PRELID2: variants seen among roughly 807,000 people sequenced by gnomAD.
The protein encoded by PRELID2 is PRELI domain-containing protein 2.
A neutral mutation model predicts 28.4 loss-of-function variants in PRELID2; 25 were observed. That is an observed-to-expected ratio of 0.88 (90% CI 0.64 to 1.23). The LOEUF (loss-of-function observed/expected upper bound fraction) is 1.23, where lower values mean the gene tolerates loss of function less well. Ranked by LOEUF, PRELID2 falls within the 50% of genes most tolerant of loss-of-function variation. The pLI, the probability that PRELID2 is intolerant of heterozygous loss-of-function variation, is 0.00. For missense variants in PRELID2, 201 were observed against 214.4 expected, an observed-to-expected ratio of 0.94 and a Z score of 0.39; for synonymous variants, 76 against 71.6, an observed-to-expected ratio of 1.06 and a Z score of -0.31.
the PRELID2 span, among the ~76,000 whole-genome samples, chr5:145,248,158 G>T: frequency 6.6e-6 from 1 of 151,982 alleles, no homozygotes; most frequent in Non-Finnish European, 1.5e-5. Context: ...AACTGCTCAG[G>T]ATGTAACAGT....
chr5:145,783,478 A>G (rs1751768566), intron 5 of PRELID2, among the ~76,000 whole-genome samples: 1 of 152,224 alleles, frequency 6.6e-6, no homozygotes, highest in African/African-American at 2.4e-5. Flanking sequence ...AGAATACAGC[A>G]GCTACTATGA....
At chr5:145,744,934 T>C (rs1481257617) in intron 1 of PRELID2, among the ~76,000 whole-genome samples, 28 of 152,068 alleles carry the variant, frequency 1.8e-4, no homozygotes, top group Admixed American at 1.8e-3. Flanking sequence ...GAGCATGTTC[T>C]AACCCAATGC....
chr5:145,744,107 T>C (rs955475338), intron 1 of PRELID2, among the ~76,000 whole-genome samples: 2 of 152,130 alleles, frequency 1.3e-5, no homozygotes, highest in South Asian at 4.1e-4. Context: ...TCCTTCCTCA[T>C]TGGGTAGGGC....
chr5:145,794,658 G>C (rs115341438), intron 5 of PRELID2, among the ~76,000 whole-genome samples: 1 of 152,162 alleles, frequency 6.6e-6, no homozygotes, highest in African/African-American at 2.4e-5. Context: ...CAGTTACCAC[G>C]TATCGGGTAT....
the PRELID2 span, among the ~76,000 whole-genome samples, chr5:145,433,426 C>T: frequency 5.3e-5 from 8 of 152,120 alleles, no homozygotes; most frequent in South Asian, 2.1e-4. Flanking sequence ...GGTGGCTTCC[C>T]GATTCATTGT....
At chr5:145,602,526 T>C (rs1753412281) in intron 1 of PRELID2, among the ~76,000 whole-genome samples, 2 of 151,888 alleles carry the variant, frequency 1.3e-5, no homozygotes, top group African/African-American at 4.8e-5. Flanking sequence ...AGACTTCAGG[T>C]AATGGAAGTA....
At chr5:145,626,832 C>T (rs1753852748) in intron 1 of PRELID2, among the ~76,000 whole-genome samples, 2 of 152,100 alleles carry the variant, frequency 1.3e-5, no homozygotes, top group Non-Finnish European at 2.9e-5. Flanking sequence ...GATGCGGTGG[C>T]TCACGCCTGT....
intron 1 of PRELID2, among the ~76,000 whole-genome samples, chr5:145,660,334 G>A (rs6883434): frequency 0.24 from 36,949 of 151,976 alleles, 8,948 homozygotes; most frequent in African/African-American, 0.62. Context: ...TTTCTAGCTC[G>A]ATGCTCCAAA....
the PRELID2 span, among the ~76,000 whole-genome samples, chr5:145,430,526 T>G: frequency 6.6e-6 from 1 of 152,170 alleles, no homozygotes; most frequent in South Asian, 2.1e-4. Context: ...TTCTGCCCAC[T>G]GCCCATTGTC....
the PRELID2 span, among the ~76,000 whole-genome samples, chr5:145,389,981 C>A: frequency 6.6e-6 from 1 of 152,200 alleles, no homozygotes; most frequent in Non-Finnish European, 1.5e-5. Context: ...ATTTACTGAG[C>A]ACCTACTATG....
intron 1 of PRELID2, among the ~76,000 whole-genome samples, chr5:145,573,823 A>T (rs1753036532): frequency 6.6e-6 from 1 of 152,120 alleles, no homozygotes. Flanking sequence ...TAGCATCTTC[A>T]ATCTTTTAGA....
At chr5:145,467,457 G>C (rs1262179206), downstream of PRELID2, among the ~76,000 whole-genome samples, 2 of 152,036 alleles carry the variant, frequency 1.3e-5, no homozygotes, top group African/African-American at 2.4e-5. Context: ...AAAAAAGAAT[G>C]AAAGGATTCT....
At chr5:145,272,387 G>T in the PRELID2 span, among the ~76,000 whole-genome samples, 10,511 of 152,170 alleles carry the variant, frequency 0.069, 1,173 homozygotes, top group African/African-American at 0.24. Flanking sequence ...CTACAAAAAT[G>T]AAGCAGAATC....
intron 1 of PRELID2, among the ~76,000 whole-genome samples, chr5:145,713,969 C>A (rs1009346846): frequency 6.6e-6 from 1 of 151,538 alleles, no homozygotes; most frequent in East Asian, 1.9e-4. Flanking sequence ...GGAATAAGCA[C>A]ATTTTCACAT....
chr5:145,827,743 C>T (rs1304536168), intron 1 of PRELID2, among the ~76,000 whole-genome samples: 1 of 152,162 alleles, frequency 6.6e-6, no homozygotes, highest in Non-Finnish European at 1.5e-5. Flanking sequence ...AATAACTGCC[C>T]AGCACTCTTC....
chr5:145,594,489 C>T (rs1056421928), intron 1 of PRELID2, among the ~76,000 whole-genome samples: 9 of 151,938 alleles, frequency 5.9e-5, no homozygotes, highest in Admixed American at 4.6e-4. Flanking sequence ...TGAAGAATTA[C>T]GCTCACTTCA....
the PRELID2 span, among the ~76,000 whole-genome samples, chr5:145,342,902 T>TAAAAA: frequency 1.6e-5 from 2 of 128,970 alleles, no homozygotes; most frequent in Non-Finnish European, 3.3e-5. Flanking sequence ...TCAAAAACAG[T>TAAAAA]AAAAAAAAAA....
chr5:145,729,408 C>T (rs1756270092), intron 1 of PRELID2: 1 of 412,168 alleles, frequency 2.4e-6, no homozygotes, highest in Non-Finnish European at 4.3e-6. Context: ...GAAACTGAAG[C>T]TTCAAGATGA....
chr5:145,628,315 A>G (rs1359330372), intron 1 of PRELID2, among the ~76,000 whole-genome samples: 2 of 151,950 alleles, frequency 1.3e-5, no homozygotes, highest in African/African-American at 2.4e-5. Context: ...ATTCTTGAAA[A>G]ATGCATTCTT....
Sources: gnomAD v4.1 joint callset for allele counts (sites outside exome capture counted in the v4.1 genomes callset) on GRCh38, gnomAD v4.1.1 for gene constraint, MANE v1.5 for transcripts, NCBI Gene and HGNC (gene_info 2026-07-23, HGNC 2026-07-21) for gene names.